The following SLC24A3 variants were observed in gnomAD, a reference collection of about 807,000 sequenced individuals.
SLC24A3 encodes sodium/potassium/calcium exchanger 3.
SLC24A3 carries 28 observed loss-of-function variants against 75.8 expected under a neutral mutation model. That is an observed-to-expected ratio of 0.37 (90% CI 0.27 to 0.51). The LOEUF (loss-of-function observed/expected upper bound fraction) is 0.51, where lower values mean the gene tolerates loss of function less well. Among genes scored for constraint, SLC24A3 ranks in the 20% least tolerant of loss-of-function variants. SLC24A3 has a pLI of 0.94. For missense variants in SLC24A3, 663 were observed against 847.8 expected (o/e 0.78, Z 2.71); for synonymous variants, 372 against 334.1 (o/e 1.11, Z -1.24).
At chr20:19,239,119 TTA>T (rs1568565458) in intron 1 of SLC24A3, among the ~76,000 whole-genome samples, 3 of 134,300 alleles carry the variant, frequency 2.2e-5, no homozygotes, top group Non-Finnish European at 3.1e-5. Context: ...AAAGCTTATT[TTA>T]AAAAAAAAAA....
At chr20:19,519,871 GT>G (rs1251541944) in intron 3 of SLC24A3, among the ~76,000 whole-genome samples, 1 of 152,214 alleles carries the variant, frequency 6.6e-6, no homozygotes, top group Admixed American at 6.5e-5. Context: ...TCCAGTAAGA[GT>G]CTTTAAATCA....
At chr20:19,592,352 G>A (rs923070299) in intron 6 of SLC24A3, among the ~76,000 whole-genome samples, 4 of 152,034 alleles carry the variant, frequency 2.6e-5, no homozygotes, top group Non-Finnish European at 5.9e-5. Context: ...CATCACACTC[G>A]ACTAAGCACT....
At chr20:19,636,548 A>G (rs565858373) in intron 6 of SLC24A3, among the ~76,000 whole-genome samples, 35 of 152,312 alleles carry the variant, frequency 2.3e-4, no homozygotes, top group Non-Finnish European at 4.7e-4. Context: ...ACACTTAAGT[A>G]TTACATTCTC....
chr20:19,620,438 G>A (rs542222910), intron 6 of SLC24A3, among the ~76,000 whole-genome samples: 98 of 152,306 alleles, frequency 6.4e-4, no homozygotes, highest in African/African-American at 2.3e-3. Context: ...TACAGAGGGT[G>A]AGAGATTAGG....
At chr20:19,464,192 G>A (rs1987726729) in intron 2 of SLC24A3, among the ~76,000 whole-genome samples, 1 of 152,208 alleles carries the variant, frequency 6.6e-6, no homozygotes, top group African/African-American at 2.4e-5. Context: ...GCTTTCCTAT[G>A]TCTTCTTAGA....
intron 2 of SLC24A3, among the ~76,000 whole-genome samples, chr20:19,442,414 A>G (rs1454048254): frequency 6.6e-6 from 1 of 152,178 alleles, no homozygotes; most frequent in African/African-American, 2.4e-5. Flanking sequence ...TAATAGGTGC[A>G]TAGTTGTATC....
chr20:19,541,802 G>C (rs934741207), intron 3 of SLC24A3, among the ~76,000 whole-genome samples: 1 of 152,232 alleles, frequency 6.6e-6, no homozygotes, highest in Non-Finnish European at 1.5e-5. Context: ...GTTGGGCGGT[G>C]TGTGCGGCTA....
At chr20:19,488,952 A>G (rs1226050888) in intron 2 of SLC24A3, among the ~76,000 whole-genome samples, 1 of 152,132 alleles carries the variant, frequency 6.6e-6, no homozygotes, top group Non-Finnish European at 1.5e-5. Flanking sequence ...AGCAGTTGGG[A>G]TTTGGGATTT....
intron 6 of SLC24A3, among the ~76,000 whole-genome samples, chr20:19,586,151 G>A (rs2031292435): frequency 1.3e-5 from 2 of 152,178 alleles, no homozygotes; most frequent in Admixed American, 1.3e-4. Flanking sequence ...ACTGGCGTCT[G>A]TTTTGGAAAG....
At chr20:19,696,723 C>A in intron 13 of SLC24A3, 74 bp from the exon 14 acceptor site, 1 of 984,950 alleles carries the variant, frequency 1.0e-6, no homozygotes. Flanking sequence ...TGTTGTGAGT[C>A]TCCATCAGAA....
rs1384095175 is a variant in SLC24A3 at position 19,559,588 on chromosome 20, T to C, written c.349-20412T>C. On this transcript the variant is annotated intron_variant, in intron 3 of 16. Transcript: ENST00000328041. ...GTAACCCAAGGTCACAAAGATTTTC[T>C]CCTATATTTTCTTCTAGAGGACTTT... Among the ~76,000 whole-genome samples the C allele has an allele frequency of 2.6e-5, 4 of 152,156 alleles. No homozygotes were observed. In the East Asian group the frequency reaches 7.7e-4, roughly 29 times the overall value.
chr20:19,702,160 G>T (rs1212371806), intron 15 of SLC24A3, among the ~76,000 whole-genome samples: 1 of 152,068 alleles, frequency 6.6e-6, no homozygotes, highest in Middle Eastern at 3.2e-3. Context: ...TTCTCCTAAT[G>T]ATCTCTCCTC....
At chr20:19,569,274 C>T (rs990878454) in intron 3 of SLC24A3, among the ~76,000 whole-genome samples, 1 of 152,172 alleles carries the variant, frequency 6.6e-6, no homozygotes, top group African/African-American at 2.4e-5. Context: ...TTTGCACGTA[C>T]TTGTTTTGTA....
chr20:19,684,402 G>A (rs1017088176), intron 11 of SLC24A3, 66 bp downstream of exon 11: 4 of 1,506,642 alleles, frequency 2.7e-6, no homozygotes, highest in Admixed American at 2.1e-5. Context: ...AGGAGAGAAG[G>A]TTTCTTGTTT....
chr20:19,289,714 C>A lies in SLC24A3; in HGVS notation c.271+8627C>A, dbSNP rs533315198. On this transcript the variant is annotated intron_variant, in intron 2 of 16. Transcript: ENST00000328041. ...TGTGGCCTTGGCCATGTCTCTACTC[C>A]CTGGGGTTCACTCCCACCCACCTGG... 2.7e-3 allele frequency among the ~76,000 whole-genome samples: 384 copies of A among 140,824 alleles called. 3 individuals are homozygous for A. Among genetic ancestry groups the A allele is most frequent in the Middle Eastern group, 6.8e-3 (2 of 292 alleles). The allele number at this position is 140,824 out of a possible 152,430, so 92.4% of individuals were successfully genotyped here. A position where few individuals can be genotyped will look rare whatever the true frequency, so the allele number is the denominator to read the frequency against.
chr20:19,240,825 C>T (rs1424952349), intron 1 of SLC24A3, among the ~76,000 whole-genome samples: 1 of 152,182 alleles, frequency 6.6e-6, no homozygotes. Flanking sequence ...ACTCACTAGC[C>T]CCTGGCTGCC....
intron 3 of SLC24A3, among the ~76,000 whole-genome samples, chr20:19,567,135 C>T (rs368647726): frequency 2.3e-4 from 35 of 152,302 alleles, no homozygotes; most frequent in African/African-American, 7.5e-4. Flanking sequence ...ACTTATCATT[C>T]GACCTAGCAA....
intron 15 of SLC24A3, among the ~76,000 whole-genome samples, chr20:19,711,324 C>T (rs1359039368): frequency 6.6e-6 from 1 of 151,590 alleles, no homozygotes; most frequent in Non-Finnish European, 1.5e-5. Context: ...AACGCACACA[C>T]ATGCATGCAC....
intron 1 of SLC24A3, among the ~76,000 whole-genome samples, chr20:19,249,812 C>T (rs552503550): frequency 2.6e-4 from 40 of 152,206 alleles, no homozygotes; most frequent in East Asian, 1.4e-3. Context: ...GCATTAGGGG[C>T]GAAATTTACA....
Sources: gnomAD v4.1 joint callset for allele counts (sites outside exome capture counted in the v4.1 genomes callset) on GRCh38, gnomAD v4.1.1 for gene constraint, MANE v1.5 for transcripts, NCBI Gene and HGNC (gene_info 2026-07-23, HGNC 2026-07-21) for gene names.